The following TENM3 variants were observed in gnomAD, a reference collection of about 807,000 sequenced individuals.
TENM3 encodes the protein teneurin-3.
TENM3 carries 63 observed loss-of-function variants against 255.1 expected under a neutral mutation model. The ratio of observed to expected loss-of-function variants is 0.25; its 90% CI spans 0.20 to 0.30. TENM3 has a LOEUF of 0.30. TENM3 is among the 10% of genes least tolerant of loss of function. The pLI is 1.00. For synonymous variants in TENM3, 1,306 were observed against 1,322.3 expected (o/e 0.99, Z 0.27); for missense variants, 2,929 against 3,461.1 (o/e 0.85, Z 3.86).
the TENM3 span, among the ~76,000 whole-genome samples, chr4:181,507,512 G>T: frequency 1.2e-4 from 19 of 152,278 alleles, no homozygotes; most frequent in Admixed American, 2.6e-4. Flanking sequence ...ATGCACTTCT[G>T]ATCTTTGTGA....
At chr4:182,595,027 C>T (rs1190535492) in intron 3 of TENM3, among the ~76,000 whole-genome samples, 1 of 152,080 alleles carries the variant, frequency 6.6e-6, no homozygotes, top group Non-Finnish European at 1.5e-5. Flanking sequence ...CTTCCCTGTT[C>T]TTGGCACTTA....
chr4:181,454,893 T>A, the TENM3 span, among the ~76,000 whole-genome samples: 1 of 151,960 alleles, frequency 6.6e-6, no homozygotes, highest in African/African-American at 2.4e-5. Flanking sequence ...AAAGGTTTGT[T>A]TAAGTACACT....
chr4:181,710,879 A>G, the TENM3 span, among the ~76,000 whole-genome samples: 12 of 150,682 alleles, frequency 8.0e-5, no homozygotes, highest in African/African-American at 2.7e-4. Context: ...AAAAGAAAAA[A>G]GGAAAAAAAG....
chr4:181,675,823 TCA>T, the TENM3 span, among the ~76,000 whole-genome samples: 2 of 28,926 alleles, frequency 6.9e-5, no homozygotes, highest in Non-Finnish European at 1.9e-4. Flanking sequence ...TTGAACTTCT[TCA>T]ATTCAATTAG....
the TENM3 span, among the ~76,000 whole-genome samples, chr4:181,472,873 A>ATATC: frequency 1.3e-5 from 2 of 152,158 alleles, no homozygotes; most frequent in Non-Finnish European, 2.9e-5. Context: ...AGAAAGAATT[A>ATATC]TATCTGTTGT....
chr4:182,023,619 C>A, the TENM3 span, among the ~76,000 whole-genome samples: 1 of 152,164 alleles, frequency 6.6e-6, no homozygotes, highest in African/African-American at 2.4e-5. Flanking sequence ...GCCCCCTGTG[C>A]ATGGAAAATT....
the TENM3 span, among the ~76,000 whole-genome samples, chr4:181,734,275 G>T: frequency 6.6e-6 from 1 of 151,982 alleles, no homozygotes; most frequent in East Asian, 1.9e-4. Context: ...TAAAATAGAA[G>T]CTTAATGAGG....
chr4:181,583,563 G>A, the TENM3 span, among the ~76,000 whole-genome samples: 6 of 152,026 alleles, frequency 3.9e-5, no homozygotes, highest in Non-Finnish European at 5.9e-5. Context: ...AAAACGTGGG[G>A]GCGTGCCACC....
At chr4:182,023,888 T>C in the TENM3 span, among the ~76,000 whole-genome samples, 2 of 152,190 alleles carry the variant, frequency 1.3e-5, no homozygotes, top group Non-Finnish European at 2.9e-5. Context: ...TAAAATAATT[T>C]AGAAGAATTC....
intron 3 of TENM3, among the ~76,000 whole-genome samples, chr4:182,583,386 G>A (rs547202279): frequency 5.1e-5 from 7 of 135,962 alleles, no homozygotes; most frequent in Admixed American, 7.5e-5. Context: ...TGTATTTTAG[G>A]TAAAATATTA....
the TENM3 span, among the ~76,000 whole-genome samples, chr4:181,690,887 G>A: frequency 1.7e-4 from 26 of 152,114 alleles, no homozygotes; most frequent in South Asian, 4.2e-4. Context: ...TAATTAAAGG[G>A]GTAACAGAAC....
At chr4:181,966,621 G>T in the TENM3 span, among the ~76,000 whole-genome samples, 588 of 152,278 alleles carry the variant, frequency 3.9e-3, 18 homozygotes, top group South Asian at 0.06. Context: ...CAGATGTAAG[G>T]TTCTGGCAAA....
At chr4:181,800,025 A>C in the TENM3 span, among the ~76,000 whole-genome samples, 1 of 152,190 alleles carries the variant, frequency 6.6e-6, no homozygotes. Flanking sequence ...GCCAGAATGC[A>C]GACCCAGGAT....
Position 182,792,189 on chromosome 4 carries a change from T to C in TENM3, c.5602-85T>C. The C allele has an allele frequency of 1.7e-6, 2 of 1,201,268 alleles. No homozygotes were observed. Among genetic ancestry groups the C allele is most frequent in the Admixed American group, 2.2e-5 (1 of 45,662 alleles). The allele number at this position is 1,201,268 out of a possible 1,614,324, so 74.4% of individuals were successfully genotyped here. On this transcript the variant is annotated intron_variant, in intron 25 of 27. Transcript: ENST00000511685. This position sits in a 1 kb window ranked among gnomAD's most constrained non-coding sequence, Gnocchi z 6.3. The stretch of plus-strand genomic sequence containing the variant: ...ATGAAAATCATTTTCTCTAGTGGAA[T>C]GTTTCTGTGCATCTGTGGTCACTAA...
chr4:181,984,714 T>C, the TENM3 span, among the ~76,000 whole-genome samples: 6,629 of 152,106 alleles, frequency 0.044, 228 homozygotes, highest in Non-Finnish European at 0.066. Flanking sequence ...GACATTAATG[T>C]ACTAAGCCAT....
intron 1 of TENM3, among the ~76,000 whole-genome samples, chr4:182,283,211 T>C (rs1351011214): frequency 6.6e-6 from 1 of 152,222 alleles, no homozygotes; most frequent in Non-Finnish European, 1.5e-5. Flanking sequence ...CATGAATCCA[T>C]TCTTATAAAA....
At chr4:182,499,266 A>C (rs569473356) in intron 3 of TENM3, among the ~76,000 whole-genome samples, 1 of 152,364 alleles carries the variant, frequency 6.6e-6, no homozygotes, top group Admixed American at 6.5e-5. Flanking sequence ...GTAACAAAAA[A>C]GAAAATAAAT....
At chr4:182,220,367 A>G in intron 1 of TENM3, among the ~76,000 whole-genome samples, 1 of 105,984 alleles carries the variant, frequency 9.4e-6, no homozygotes, top group African/African-American at 3.6e-5. Context: ...ACAGAGTGAG[A>G]CTCTGTCTCA....
At chr4:182,656,757 A>G (rs1024711215) in intron 6 of TENM3, among the ~76,000 whole-genome samples, 1 of 152,228 alleles carries the variant, frequency 6.6e-6, no homozygotes, top group Non-Finnish European at 1.5e-5. Flanking sequence ...TTTTGTAAAT[A>G]TAATTCTAAG....
Sources: gnomAD v4.1 joint callset for allele counts (sites outside exome capture counted in the v4.1 genomes callset) on GRCh38, gnomAD v4.1.1 for gene constraint, Gnocchi (gnomAD v3.1) non-coding constraint, MANE v1.5 for transcripts, NCBI Gene and HGNC (gene_info 2026-07-23, HGNC 2026-07-21) for gene names.